Variants in CFAP44 observed in about 807,000 individuals in gnomAD.
CFAP44 encodes cilia- and flagella-associated protein 44.
A neutral mutation model predicts 216.2 loss-of-function variants in CFAP44; 134 were observed. That is an observed-to-expected ratio of 0.62 (90% CI 0.54 to 0.72). The LOEUF (loss-of-function observed/expected upper bound fraction) is 0.72. CFAP44 is among the 30% of genes least tolerant of loss of function. CFAP44 has a pLI of 0.00. For synonymous variants in CFAP44, 700 were observed against 727.6 expected (o/e 0.96, Z 0.61); for missense variants, 2,035 against 2,182.1 (o/e 0.93, Z 1.34).
At chr3:113,436,236 GTT>G (rs34231690) in intron 1 of CFAP44, among the ~76,000 whole-genome samples, 5 of 146,988 alleles carry the variant, frequency 3.4e-5, no homozygotes, top group South Asian at 2.2e-4. Flanking sequence ...GTGAGTAACT[GTT>G]TTTTTTTTTA....
At chr3:113,309,938 T>C (rs1950022710) in intron 28 of CFAP44, among the ~76,000 whole-genome samples, 1 of 152,292 alleles carries the variant, frequency 6.6e-6, no homozygotes, top group East Asian at 1.9e-4. Context: ...AGGGGCAGCC[T>C]AGCAGGAGAG....
At chr3:113,311,335 G>A (rs1361020288) in intron 28 of CFAP44, among the ~76,000 whole-genome samples, 1 of 152,248 alleles carries the variant, frequency 6.6e-6, no homozygotes, top group Non-Finnish European at 1.5e-5. Flanking sequence ...ATGCCCACAT[G>A]TTGTGGGAGG....
intron 9 of CFAP44, among the ~76,000 whole-genome samples, chr3:113,403,124 C>T (rs900443104): frequency 2.6e-5 from 4 of 152,036 alleles, no homozygotes; most frequent in African/African-American, 9.7e-5. Flanking sequence ...CTTTTGATAA[C>T]ATTTCTTAAA....
At chr3:113,355,726 C>G (rs1950486944) in intron 22 of CFAP44, among the ~76,000 whole-genome samples, 1 of 151,356 alleles carries the variant, frequency 6.6e-6, no homozygotes, top group South Asian at 2.1e-4. Flanking sequence ...ACCTATGTAC[C>G]AAACCTGCAG....
At chr3:113,348,229 G>A (rs941060225) in intron 22 of CFAP44, among the ~76,000 whole-genome samples, 3 of 151,998 alleles carry the variant, frequency 2.0e-5, no homozygotes, top group African/African-American at 4.8e-5. Context: ...AAAACCGCGG[G>A]CGGTTTTTCC....
chr3:113,339,819 A>G (rs1274695985), intron 24 of CFAP44, among the ~76,000 whole-genome samples: 1 of 152,212 alleles, frequency 6.6e-6, no homozygotes, highest in Non-Finnish European at 1.5e-5. Context: ...TTCATATCAG[A>G]AACAGAGCTA....
chr3:113,301,962 C>G (rs928241230), intron 32 of CFAP44, among the ~76,000 whole-genome samples: 22 of 152,294 alleles, frequency 1.4e-4, no homozygotes, highest in African/African-American at 5.3e-4. Flanking sequence ...TGGTAACCAT[C>G]ATTCTATTCT....
chr3:113,411,419 T>C (rs1934468892), intron 6 of CFAP44, among the ~76,000 whole-genome samples: 1 of 152,194 alleles, frequency 6.6e-6, no homozygotes, highest in Non-Finnish European at 1.5e-5. Flanking sequence ...TCCCCATTTC[T>C]TGTTTTTGTC....
At chr3:113,373,273 T>C in intron 18 of CFAP44, 138 bp downstream of exon 18, 1 of 752,502 alleles carries the variant, frequency 1.3e-6, no homozygotes. Context: ...ATTTATTCAT[T>C]TGATTTATTT....
chr3:113,340,058 C>T (rs1033178333), intron 24 of CFAP44, among the ~76,000 whole-genome samples: 1 of 152,132 alleles, frequency 6.6e-6, no homozygotes, highest in African/African-American at 2.4e-5. Context: ...GTTGCGGCTA[C>T]CATCATGGCT....
At position 113,366,050 on chromosome 3, in the gene CFAP44, G is replaced by A. The variant is rs1950584301; in HGVS notation, c.2704C>T (p.Pro902Ser). ...AATTAATTACATACCCTGGGAGATG[G>A]AACTTTGGCCTTCATGTCTTTCCTT... ...MLRKDMKAKV[P>S]SPRFGIETEP... Residue 902 changes from proline to serine, a missense_variant, in exon 19 of 35, where the codon CCA (proline) becomes TCA (serine). By Grantham distance (74) the Pro-to-Ser change is moderately conservative. Coordinates refer to ENST00000393845, the MANE Select transcript of CFAP44 (RefSeq NM_001164496.2). 3.1e-6 allele frequency: 5 copies of A among 1,609,664 alleles called. No homozygotes were observed. The highest frequency in any genetic ancestry group is 4.2e-6 in the Non-Finnish European group (5 of 1,177,010).
intron 28 of CFAP44, among the ~76,000 whole-genome samples, chr3:113,316,609 C>T (rs1242229214): frequency 6.6e-6 from 1 of 152,144 alleles, no homozygotes; most frequent in Non-Finnish European, 1.5e-5. Flanking sequence ...TGGCTCACGC[C>T]TGTAATCCTA....
At chr3:113,349,787 C>T (rs1950425176) in intron 22 of CFAP44, among the ~76,000 whole-genome samples, 1 of 152,198 alleles carries the variant, frequency 6.6e-6, no homozygotes, top group African/African-American at 2.4e-5. Context: ...AATTGACTTC[C>T]TCCTGGACAC....
chr3:113,409,139 TCTTC>T lies in CFAP44; in HGVS notation c.853_856del (p.Glu285SerfsTer29), dbSNP rs1307762397. On this transcript the variant is annotated frameshift_variant, in exon 7 of 35. Coordinates refer to ENST00000393845, the MANE Select transcript of CFAP44 (RefSeq NM_001164496.2). LOFTEE classifies it high-confidence loss of function. ...GCCTGATCCCGATGTAGTAAGCTGCTCTTCCTTATCAGGATTGAAAGTAACCTTA... is the reference window on the plus strand; with the variant it reads ...GCCTGATCCCGATGTAGTAAGCTGCTCTTATCAGGATTGAAAGTAACCTTA... 3.7e-6 allele frequency: 6 copies of T among 1,613,782 alleles called. No homozygotes were observed. Among genetic ancestry groups the T allele is most frequent in the Non-Finnish European group, 5.1e-6 (6 of 1,179,984 alleles).
At chr3:113,361,580 C>T (rs1301984928) in intron 21 of CFAP44, among the ~76,000 whole-genome samples, 1 of 151,096 alleles carries the variant, frequency 6.6e-6, no homozygotes, top group Non-Finnish European at 1.5e-5. Context: ...CTGCACACTC[C>T]ACCTCCCAGG....
At chr3:113,374,031 C>T (rs572076038) in intron 17 of CFAP44, among the ~76,000 whole-genome samples, 8 of 152,040 alleles carry the variant, frequency 5.3e-5, no homozygotes, top group African/African-American at 1.9e-4. Flanking sequence ...CTATATTGCT[C>T]CAACTCTAAT....
chr3:113,396,520 CT>C lies in CFAP44; in HGVS notation c.1776del (p.Ser594ValfsTer30). 6.2e-7 allele frequency: 1 copy of C among 1,613,996 alleles called. No homozygotes were observed. Among genetic ancestry groups the C allele is most frequent in the South Asian group, 1.1e-5 (1 of 91,074 alleles). ...AYERDGEILA[T>X]GSKDQTVFFF... ...AAGAAAGGAAATGTACTGCTTACCCCTGTGGCTAGAATTTCCCCATCACGTT... is the reference window on the plus strand; with the variant it reads ...AAGAAAGGAAATGTACTGCTTACCCCGTGGCTAGAATTTCCCCATCACGTT... On this transcript the variant is annotated frameshift_variant, in exon 14 of 35. Transcript: ENST00000393845. LOFTEE classifies it high-confidence loss of function.
chr3:113,317,175 G>A (rs932979816), intron 28 of CFAP44, among the ~76,000 whole-genome samples: 3 of 152,202 alleles, frequency 2.0e-5, no homozygotes, highest in Non-Finnish European at 2.9e-5. Flanking sequence ...TGGAATCCTG[G>A]CTATAGGGGA....
chr3:113,342,398 AT>A lies in CFAP44; in HGVS notation c.3263-481del, dbSNP rs534944370. ...GACCAACTACTATGAATTCAACCCCATAATAAGTACTGTGGAATGTCAAAAT... is the reference window on the plus strand; with the variant it reads ...GACCAACTACTATGAATTCAACCCCAAATAAGTACTGTGGAATGTCAAAAT... On this transcript the variant is annotated intron_variant, in intron 23 of 34. Coordinates refer to ENST00000393845, the MANE Select transcript of CFAP44 (RefSeq NM_001164496.2). Among the ~76,000 whole-genome samples, 5 of 152,288 alleles carry A rather than the reference AT, an allele frequency of 3.3e-5. No individual in the cohort carries two copies. The East Asian group carries it at 5.8e-4, about 18-fold the overall frequency.
Sources: allele counts gnomAD v4.1 joint callset (sites outside exome capture counted in the v4.1 genomes callset), GRCh38; gene constraint gnomAD v4.1.1; transcripts MANE v1.5; gene names NCBI Gene and HGNC (gene_info 2026-07-23, HGNC 2026-07-21).